Variants in FGFR1 observed in about 807,000 individuals in gnomAD.
FGFR1 encodes fibroblast growth factor receptor 1, also known as FGFR1/PLAG1 fusion.
A neutral mutation model predicts 93.7 loss-of-function variants in FGFR1; 18 were observed. The observed-to-expected ratio is 0.19, with a 90% confidence interval of 0.13 to 0.28. FGFR1 has a LOEUF of 0.28. Ranked by LOEUF, FGFR1 falls within the 10% of genes least tolerant of loss-of-function variation. The pLI is 1.00. For synonymous variants in FGFR1, 448 were observed against 429.3 expected (o/e 1.04, Z -0.54); for missense variants, 731 against 1,080.4 (o/e 0.68, Z 4.53).
At chr8:38,415,407 C>T (rs1234466590) in intron 13 of FGFR1, among the ~76,000 whole-genome samples, 1 of 152,068 alleles carries the variant, frequency 6.6e-6, no homozygotes, top group Non-Finnish European at 1.5e-5. Flanking sequence ...TAGCCTCCCA[C>T]CTCAGCCTCC....
In FGFR1 at chr8:38,442,362, G is replaced by GGTGT. The variant is rs56889687; in HGVS notation, c.92-12418_92-12415dup. ...ACATCTTCCACCAAGTTGTTAAAGT[G>GGTGT]GTGTGTGTGTGTGTGTGTGTGTGTG... On this transcript the variant is annotated intron_variant, in intron 2 of 17. Transcript: ENST00000447712. 2.1e-3 allele frequency among the ~76,000 whole-genome samples: 302 copies of GGTGT among 146,058 alleles called. 2 individuals carry two copies. The highest frequency in any genetic ancestry group is 3.5e-3 in the Middle Eastern group (1 of 284).
intron 2 of FGFR1, among the ~76,000 whole-genome samples, chr8:38,440,785 C>A (rs1827156331): frequency 6.6e-6 from 1 of 152,082 alleles, no homozygotes; most frequent in Admixed American, 6.6e-5. Context: ...ATGGCCTCTG[C>A]CAGCAGGTCC....
chr8:38,445,019 C>T (rs1323360126), intron 2 of FGFR1, among the ~76,000 whole-genome samples: 1 of 152,162 alleles, frequency 6.6e-6, no homozygotes, highest in Non-Finnish European at 1.5e-5. Flanking sequence ...GTCACCTCCC[C>T]TCTCAAGCCT....
At chr8:38,467,412 C>A (rs983957919) in intron 1 of FGFR1, among the ~76,000 whole-genome samples, 1 of 152,280 alleles carries the variant, frequency 6.6e-6, no homozygotes, top group African/African-American at 2.4e-5. Flanking sequence ...CCATCCGACC[C>A]CAACCCGCAC....
rs1815065835 is a variant in FGFR1, at chr8:38,413,487, CCA to C, written c.*139_*140del. On this transcript the variant is annotated 3_prime_UTR_variant, in exon 18 of 18. Coordinates refer to ENST00000447712, the MANE Select transcript of FGFR1 (RefSeq NM_023110.3). This position sits in a 1 kb window ranked among gnomAD's most constrained non-coding sequence, Gnocchi z 4.2. ...GTGAGCTGAGTGGGGTGAAGGCAGG[CCA>C]CACAGGAAGGCCCCTGGTAGGCAGC... 1 of 861,972 alleles carries C rather than the reference CCA, an allele frequency of 1.2e-6. No homozygotes were observed. The highest frequency in any genetic ancestry group is 1.7e-5 in the African/African-American group (1 of 58,932). 53.4% of individuals were successfully genotyped at this position (861,972 alleles called of 1,614,324 possible). A position where few individuals can be genotyped will look rare whatever the true frequency, so the allele number is the denominator to read the frequency against.
chr8:38,430,299 T>C (rs1292222211), intron 2 of FGFR1: 3 of 274,364 alleles, frequency 1.1e-5, no homozygotes, highest in African/African-American at 6.5e-5. Context: ...GTGTCCGGAG[T>C]TGCCCCCTCC....
At chr8:38,462,034 T>C (rs915563428) in intron 1 of FGFR1, among the ~76,000 whole-genome samples, 10 of 152,164 alleles carry the variant, frequency 6.6e-5, no homozygotes, top group South Asian at 2.1e-4. Context: ...ACACTTGAAA[T>C]GTGGCTGGTG....
intron 2 of FGFR1, chr8:38,430,836 TACC>T (rs1198121415): frequency 6.6e-6 from 1 of 152,252 alleles, no homozygotes; most frequent in Non-Finnish European, 1.5e-5. Context: ...CAAGATCTGA[TACC>T]ACCAAGAGCA....
intron 8 of FGFR1, 105 bp from the exon 9 acceptor site, chr8:38,419,840 T>G (rs1309496431): frequency 1.0e-6 from 1 of 958,310 alleles, no homozygotes; most frequent in Non-Finnish European, 1.6e-6. Flanking sequence ...CTGGGAACTT[T>G]TAGGGAGAAG....
chr8:38,460,546 G>A (rs745783286), intron 1 of FGFR1, among the ~76,000 whole-genome samples: 2 of 152,168 alleles, frequency 1.3e-5, no homozygotes, highest in Admixed American at 6.5e-5. Flanking sequence ...GCTGCAGACC[G>A]CCCTCTCTCA....
intron 2 of FGFR1, among the ~76,000 whole-genome samples, chr8:38,437,446 A>C (rs1825821959): frequency 6.6e-6 from 1 of 152,212 alleles, no homozygotes; most frequent in Non-Finnish European, 1.5e-5. Flanking sequence ...ACAAATGGAG[A>C]ATGTCAGGAC....
At chr8:38,466,905 C>G (rs894411606) in intron 1 of FGFR1, among the ~76,000 whole-genome samples, 1 of 110,476 alleles carries the variant, frequency 9.1e-6, no homozygotes, top group Admixed American at 9.2e-5. Flanking sequence ...ACCCCCCCCC[C>G]ACCACCACCA....
intron 2 of FGFR1, among the ~76,000 whole-genome samples, chr8:38,451,944 T>C (rs1240887854): frequency 6.6e-6 from 1 of 152,032 alleles, no homozygotes; most frequent in Middle Eastern, 3.2e-3. Flanking sequence ...GGCTTCAGTC[T>C]TTCCAAACAA....
chr8:38,440,575 CTTT>C (rs557897454), intron 2 of FGFR1, among the ~76,000 whole-genome samples: 3 of 137,934 alleles, frequency 2.2e-5, no homozygotes, highest in Admixed American at 7.3e-5. Context: ...TGGAGAAGGG[CTTT>C]TTTTTTTTTT....
At chr8:38,452,304 G>T (rs774224677) in intron 2 of FGFR1, among the ~76,000 whole-genome samples, 1 of 151,838 alleles carries the variant, frequency 6.6e-6, no homozygotes, top group Non-Finnish European at 1.5e-5. Context: ...AGGGTTTTAG[G>T]TGGTTTGCTC....
intron 2 of FGFR1, among the ~76,000 whole-genome samples, chr8:38,437,928 C>A (rs577413006): frequency 6.6e-6 from 1 of 152,252 alleles, no homozygotes; most frequent in Non-Finnish European, 1.5e-5. Flanking sequence ...CACAACTTAA[C>A]AGGAACCCAG....
intron 1 of FGFR1, among the ~76,000 whole-genome samples, chr8:38,458,250 C>T (rs190833590): frequency 6.6e-6 from 1 of 152,224 alleles, no homozygotes; most frequent in Non-Finnish European, 1.5e-5. Flanking sequence ...TAAGACTTCA[C>T]TCTGCCCAGG....
rs1338029616 is a variant in FGFR1 at position 38,426,878 on chromosome 8, C to T, written c.622-633G>A. On this transcript the variant is annotated intron_variant, in intron 5 of 17. Coordinates refer to ENST00000447712, the MANE Select transcript of FGFR1 (RefSeq NM_023110.3). The surrounding 1 kb of genome is among the most constrained non-coding windows in gnomAD (Gnocchi z 4.1). ...CTGTAATCCCAGCTCTTTGGGAGGC[C>T]CAGGCGGACAGATCACTTGAGGTCA... Among the ~76,000 whole-genome samples, 1 of 152,128 alleles carries T rather than the reference C, an allele frequency of 6.6e-6. No individual in the cohort carries two copies. The highest frequency in any genetic ancestry group is 2.4e-5 in the African/African-American group (1 of 41,402).
chr8:38,441,740 G>C (rs974295993), intron 2 of FGFR1, among the ~76,000 whole-genome samples: 1 of 152,198 alleles, frequency 6.6e-6, no homozygotes, highest in Non-Finnish European at 1.5e-5. Context: ...CCAGAATCCA[G>C]CCTTGGCAGA....
Sources: allele counts gnomAD v4.1 joint callset (sites outside exome capture counted in the v4.1 genomes callset), GRCh38; gene constraint gnomAD v4.1.1; non-coding constraint Gnocchi (gnomAD v3.1); transcripts MANE v1.5; gene names NCBI Gene and HGNC (gene_info 2026-07-23, HGNC 2026-07-21).